STAB2: variants seen among roughly 807,000 people sequenced by gnomAD.
STAB2 encodes the protein stabilin 2.
A neutral mutation model predicts 338.1 loss-of-function variants in STAB2; 288 were observed. That is an observed-to-expected ratio of 0.85 (90% CI 0.77 to 0.94). STAB2 has a LOEUF of 0.94. STAB2 is among the 40% of genes least tolerant of loss of function. STAB2 has a pLI of 0.00. For missense variants in STAB2, 3,141 were observed against 3,210.1 expected, an observed-to-expected ratio of 0.98 and a Z score of 0.52; for synonymous variants, 1,202 against 1,193.3, an observed-to-expected ratio of 1.01 and a Z score of -0.15.
chr12:103,682,666 G>C (rs1271148994), intron 25 of STAB2, among the ~76,000 whole-genome samples: 1 of 152,136 alleles, frequency 6.6e-6, no homozygotes, highest in Non-Finnish European at 1.5e-5. Context: ...AATTCAGGAA[G>C]AGGCTGGGCG....
chr12:103,598,118 C>T (rs762837383), intron 3 of STAB2, among the ~76,000 whole-genome samples: 10 of 152,196 alleles, frequency 6.6e-5, no homozygotes, highest in African/African-American at 1.2e-4. Flanking sequence ...ACAAATAATG[C>T]GGAGTTCACT....
chr12:103,621,616 C>A (rs916974248), intron 4 of STAB2, among the ~76,000 whole-genome samples: 5 of 152,166 alleles, frequency 3.3e-5, no homozygotes, highest in African/African-American at 7.2e-5. Context: ...CCTGTAATCC[C>A]AGCTACTCGG....
chr12:103,629,229 C>T (rs1957423890), intron 5 of STAB2, among the ~76,000 whole-genome samples: 1 of 152,056 alleles, frequency 6.6e-6, no homozygotes, highest in African/African-American at 2.4e-5. Flanking sequence ...CAGAATATCA[C>T]CATCAGAAAA....
At chr12:103,724,914 G>T (rs763113540) in intron 44 of STAB2, 61 bp from the exon 45 acceptor site, 2 of 1,585,490 alleles carry the variant, frequency 1.3e-6, no homozygotes, top group Non-Finnish European at 1.7e-6. Flanking sequence ...TGTAAATATC[G>T]GTAGAGCTGG....
chr12:103,758,685 G>A (rs1466091473), intron 64 of STAB2, among the ~76,000 whole-genome samples: 1 of 152,218 alleles, frequency 6.6e-6, no homozygotes, highest in Non-Finnish European at 1.5e-5. Flanking sequence ...AGCATGGGGG[G>A]CAAAGGGCCA....
At chr12:103,623,002 A>C (rs1212147048) in intron 5 of STAB2, among the ~76,000 whole-genome samples, 1 of 152,238 alleles carries the variant, frequency 6.6e-6, no homozygotes, top group African/African-American at 2.4e-5. Context: ...AACAAATTTG[A>C]GACTGGCTTG....
chr12:103,696,456 G>A (rs1878415162), intron 33 of STAB2, among the ~76,000 whole-genome samples: 1 of 152,146 alleles, frequency 6.6e-6, no homozygotes, highest in African/African-American at 2.4e-5. Context: ...AAATTCTGGA[G>A]CCACTACTGA....
chr12:103,652,840 C>T (rs1052975605), intron 12 of STAB2, 135 bp downstream of exon 12: 7 of 1,030,850 alleles, frequency 6.8e-6, no homozygotes, highest in Non-Finnish European at 9.4e-6. Flanking sequence ...ATTTGTCAAA[C>T]ACCTTATATA....
chr12:103,756,221 C>T (rs4981021), intron 63 of STAB2, among the ~76,000 whole-genome samples: 37,225 of 152,100 alleles, frequency 0.24, 5,103 homozygotes, highest in East Asian at 0.48. Context: ...CTTAAAGTCA[C>T]GTCAATATTC....
intron 59 of STAB2, among the ~76,000 whole-genome samples, chr12:103,749,568 G>A (rs983495946): frequency 1.1e-4 from 17 of 151,598 alleles, no homozygotes; most frequent in Non-Finnish European, 2.2e-4. Context: ...GGTGGCTCAC[G>A]CCTGTAATCC....
In STAB2 at chr12:103,728,852, A is replaced by G. The variant is rs1374195583; in HGVS notation, c.4939A>G (p.Lys1647Glu). The G allele has an allele frequency of 6.2e-7, 1 of 1,613,952 alleles. No homozygotes were observed. The highest frequency in any genetic ancestry group is 1.7e-5 in the Admixed American group (1 of 60,010). ...SAAFDEEARV[K>E]DWDKYGLMPQ... ...ACCCTCTGATCTTCTGTTACAGGTT[A>G]AAGACTGGGACAAATACGGTTTAAT... The change falls in exon 48 of 69, where the codon AAA becomes GAA. Residue 1647 changes from lysine (K) to glutamate (E), a missense_variant. Lys to Glu is a moderately conservative substitution (Grantham distance 56, BLOSUM62 1). Coordinates refer to ENST00000388887, the MANE Select transcript of STAB2 (RefSeq NM_017564.10).
rs1879940386 is a variant in STAB2, at chr12:103,712,360, G to A, written c.4335-7G>A. The A allele has an allele frequency of 6.2e-7, 1 of 1,612,794 alleles. No homozygotes were observed. The highest frequency in any genetic ancestry group is 1.3e-5 in the African/African-American group (1 of 74,892). On this transcript the variant is annotated splice_polypyrimidine_tract_variant and splice_region_variant and intron_variant, in intron 40 of 68. Coordinates refer to ENST00000388887, the MANE Select transcript of STAB2 (RefSeq NM_017564.10). ...CTACAAACCCCATTTGTCCTTCCTT[G>A]TTGCAGCTGCCTCACCAACTCAGAT... is the stretch of plus-strand genomic sequence containing the variant.
chr12:103,668,638 TC>T lies in STAB2; in HGVS notation c.2086-3del. On this transcript the variant is annotated splice_polypyrimidine_tract_variant and splice_region_variant and intron_variant, in intron 19 of 68. Transcript: ENST00000388887. Reference sequence around the variant, plus strand: ...GCCATGCTTTCCCTCCTTGGCTTTCTCCAGGCACTCTTCACACACAGATGTG... The same window carrying T: ...GCCATGCTTTCCCTCCTTGGCTTTCTCAGGCACTCTTCACACACAGATGTG... 1 of 1,551,582 alleles carries T rather than the reference TC, an allele frequency of 6.4e-7. No individual in the cohort carries two copies. Among genetic ancestry groups the T allele is most frequent in the Non-Finnish European group, 8.7e-7 (1 of 1,147,056 alleles).
rs10670456 is a variant in STAB2 at position 103,766,623 on chromosome 12, C to CTGTT, written c.*288_*291dup. Reference sequence around the variant, plus strand: ...GATGGGTAACTGTGATCTTTCTTCCCTGTTAGATTGTAAGCCTCCGTCTTT... The same window carrying CTGTT: ...GATGGGTAACTGTGATCTTTCTTCCCTGTTTGTTAGATTGTAAGCCTCCGTCTTT... On this transcript the variant is annotated 3_prime_UTR_variant, in exon 69 of 69. Coordinates refer to ENST00000388887, the MANE Select transcript of STAB2 (RefSeq NM_017564.10). 0.032 allele frequency: 12,029 copies of CTGTT among 375,064 alleles called. 1,294 individuals are homozygous for CTGTT. The highest frequency in any genetic ancestry group is 0.23 in the African/African-American group (11,074 of 48,806). 23.2% of individuals were successfully genotyped at this position (375,064 alleles called of 1,614,324 possible).
intron 30 of STAB2, among the ~76,000 whole-genome samples, 184 bp from the exon 31 acceptor site, chr12:103,692,628 C>T (rs935514897): frequency 3.9e-5 from 5 of 128,630 alleles, no homozygotes; most frequent in South Asian, 2.6e-4. Flanking sequence ...TGCACGTGCA[C>T]GTGTGTGAGA....
chr12:103,711,492 A>G lies in STAB2; in HGVS notation c.4310A>G (p.Asn1437Ser). The G allele has an allele frequency of 6.2e-7, 1 of 1,614,124 alleles. No homozygotes were observed. Among genetic ancestry groups the G allele is most frequent in the Non-Finnish European group, 8.5e-7 (1 of 1,180,020 alleles). Residue 1437 changes from asparagine to serine, a missense_variant, in exon 40 of 69, where the codon AAT becomes AGT. Physicochemically the swap from Asn to Ser is conservative, Grantham distance 46. Transcript: ENST00000388887. ...TCAGCAACCACAGAAGACAACTGCA[A>G]TGGGACATGCCATACCAGCGCCAAG... ...CDNATTEDNC[N>S]GTCHTSANCL...
chr12:103,690,312 A>G (rs1877815125), intron 29 of STAB2, 112 bp from the exon 30 acceptor site: 1 of 949,980 alleles, frequency 1.1e-6, no homozygotes, highest in Non-Finnish European at 1.6e-6. Flanking sequence ...TGCAGGGGGA[A>G]CTTGAATTTT....
chr12:103,677,430 T>G, intron 24 of STAB2, 23 bp from the exon 25 acceptor site: 1 of 1,593,988 alleles, frequency 6.3e-7, no homozygotes. Flanking sequence ...TCAGAGGCTT[T>G]GCTTTTTCTT....
At chr12:103,741,177 G>A (rs1882554414) in intron 55 of STAB2, among the ~76,000 whole-genome samples, 1 of 152,114 alleles carries the variant, frequency 6.6e-6, no homozygotes, top group South Asian at 2.1e-4. Flanking sequence ...CCCTGTCCCT[G>A]GTAGAGGATG....
Sources: gnomAD v4.1 joint callset for allele counts (sites outside exome capture counted in the v4.1 genomes callset) on GRCh38, gnomAD v4.1.1 for gene constraint, MANE v1.5 for transcripts, NCBI Gene and HGNC (gene_info 2026-07-23, HGNC 2026-07-21) for gene names.